SLCO1B1: variants seen among roughly 807,000 people sequenced by gnomAD.
SLCO1B1 encodes OATP-2.
Under a neutral mutation model 70.1 loss-of-function variants are expected in SLCO1B1, and 81 were observed. That is an observed-to-expected ratio of 1.16 (90% confidence interval 0.97 to 1.39). The LOEUF is 1.39. Among genes scored for constraint, SLCO1B1 ranks in the 40% most tolerant of loss-of-function variants. SLCO1B1 has a pLI of 0.00. For missense variants in SLCO1B1, 895 were observed against 799.6 expected (o/e 1.12, Z -1.44); for synonymous variants, 283 against 271.5 (o/e 1.04, Z -0.42).
At chr12:21,189,012 C>G (rs896543058) in intron 7 of SLCO1B1, among the ~76,000 whole-genome samples, 9 of 151,964 alleles carry the variant, frequency 5.9e-5, no homozygotes, top group Admixed American at 5.2e-4. Flanking sequence ...TCCATTTATC[C>G]CTCAGCAGAC....
At chr12:21,223,055 CAA>C (rs1358004030) in intron 13 of SLCO1B1, among the ~76,000 whole-genome samples, 1 of 152,122 alleles carries the variant, frequency 6.6e-6, no homozygotes, top group Non-Finnish European at 1.5e-5. Context: ...CCTTCAGTTT[CAA>C]TGGAGATACC....
chr12:21,194,271 CCTCCCAAAGTG>C, intron 7 of SLCO1B1, among the ~76,000 whole-genome samples: 2 of 152,202 alleles, frequency 1.3e-5, no homozygotes, highest in Admixed American at 1.3e-4. Context: ...CCCGTCTCAG[CCTCCCAAAGTG>C]CTGGGATGAC....
intron 7 of SLCO1B1, among the ~76,000 whole-genome samples, chr12:21,190,850 G>A (rs1021239055): frequency 6.6e-5 from 10 of 151,918 alleles, no homozygotes; most frequent in Non-Finnish European, 1.2e-4. Flanking sequence ...ATTTTTCATC[G>A]TTATTATTTT....
At chr12:21,155,675 A>G (rs1166196376) in intron 2 of SLCO1B1, among the ~76,000 whole-genome samples, 1 of 152,216 alleles carries the variant, frequency 6.6e-6, no homozygotes, top group Non-Finnish European at 1.5e-5. Flanking sequence ...GAAAGCTCAG[A>G]AAAAGGGGAG....
intron 2 of SLCO1B1, among the ~76,000 whole-genome samples, chr12:21,151,612 C>G (rs1183141696): frequency 6.6e-6 from 1 of 152,036 alleles, no homozygotes; most frequent in Non-Finnish European, 1.5e-5. Context: ...GTTTTCCTTG[C>G]TTTAAGTAGA....
At chr12:21,173,803 C>T (rs1164678792) in intron 3 of SLCO1B1, among the ~76,000 whole-genome samples, 12 of 139,530 alleles carry the variant, frequency 8.6e-5, no homozygotes, top group Non-Finnish European at 1.5e-4. Context: ...GACGGAGTCT[C>T]GCTCTGTCGC....
At chr12:21,191,689 A>G (rs111687551) in intron 7 of SLCO1B1, among the ~76,000 whole-genome samples, 3 of 152,138 alleles carry the variant, frequency 2.0e-5, no homozygotes, top group African/African-American at 7.2e-5. Flanking sequence ...AAGTGATGAG[A>G]ATGGCCATTC....
intron 2 of SLCO1B1, among the ~76,000 whole-genome samples, chr12:21,145,472 C>CTTTTT (rs1591797702): frequency 2.2e-4 from 8 of 35,826 alleles, no homozygotes; most frequent in South Asian, 1.5e-3. Context: ...GCATTTTTTT[C>CTTTTT]ATTTTTTTTT....
At chr12:21,217,359 T>A in intron 12 of SLCO1B1, 56 bp downstream of exon 12, 1 of 1,294,084 alleles carries the variant, frequency 7.7e-7, no homozygotes, top group Non-Finnish European at 1.1e-6. Context: ...ACACACCTAA[T>A]GATATGCATA....
intron 7 of SLCO1B1, among the ~76,000 whole-genome samples, chr12:21,185,328 G>T (rs1940951694): frequency 6.6e-6 from 1 of 152,094 alleles, no homozygotes; most frequent in Admixed American, 6.5e-5. Context: ...TCTGCATATA[G>T]ATTGTATTCT....
At chr12:21,223,899 A>T (rs776346291) in intron 13 of SLCO1B1, among the ~76,000 whole-genome samples, 11 of 152,154 alleles carry the variant, frequency 7.2e-5, no homozygotes, top group Non-Finnish European at 1.5e-4. Context: ...GCAGATGGAC[A>T]CTTATTATAT....
At chr12:21,141,006 T>G (rs973502745) in intron 1 of SLCO1B1, among the ~76,000 whole-genome samples, 56 of 151,954 alleles carry the variant, frequency 3.7e-4, no homozygotes, top group Admixed American at 2.1e-3. Flanking sequence ...CAAATTCTGT[T>G]TGCTTTTTGA....
chr12:21,188,384 T>C (rs1032896886), intron 7 of SLCO1B1, among the ~76,000 whole-genome samples: 2 of 152,152 alleles, frequency 1.3e-5, no homozygotes, highest in African/African-American at 4.8e-5. Flanking sequence ...CTTTATAACA[T>C]TTTTTCTCTA....
At chr12:21,179,156 A>G (rs1383994560) in intron 7 of SLCO1B1, 136 bp downstream of exon 7, 4 of 653,016 alleles carry the variant, frequency 6.1e-6, no homozygotes, top group Non-Finnish European at 1.1e-5. Context: ...AGTAGGAAAT[A>G]AATGTATTAC....
intron 14 of SLCO1B1, among the ~76,000 whole-genome samples, chr12:21,231,317 C>T (rs893177415): frequency 2.0e-5 from 3 of 151,984 alleles, no homozygotes; most frequent in African/African-American, 7.3e-5. Context: ...AGTATAGTAT[C>T]TGTTCTTTTC....
chr12:21,211,815 T>C (rs542582457), intron 11 of SLCO1B1, among the ~76,000 whole-genome samples: 11 of 152,324 alleles, frequency 7.2e-5, no homozygotes, highest in Non-Finnish European at 1.6e-4. Context: ...AAGGAATTTA[T>C]CCATTTCTTC....
intron 11 of SLCO1B1, among the ~76,000 whole-genome samples, chr12:21,206,543 CACTT>C (rs1186181965): frequency 6.6e-6 from 1 of 151,862 alleles, no homozygotes; most frequent in African/African-American, 2.4e-5. Flanking sequence ...GCTTCATGCT[CACTT>C]GACTGCCCTA....
intron 11 of SLCO1B1, among the ~76,000 whole-genome samples, chr12:21,208,478 T>G (rs1202421617): frequency 6.6e-6 from 1 of 152,004 alleles, no homozygotes; most frequent in Non-Finnish European, 1.5e-5. Context: ...ATTCTGTTCC[T>G]TTAGTCTAGG....
intron 4 of SLCO1B1, among the ~76,000 whole-genome samples, chr12:21,176,207 A>G (rs1043867398): frequency 6.6e-6 from 1 of 152,144 alleles, no homozygotes; most frequent in East Asian, 1.9e-4. Flanking sequence ...AGCTCTTTGA[A>G]GCTTAGCATA....
Sources: allele counts gnomAD v4.1 joint callset (sites outside exome capture counted in the v4.1 genomes callset), GRCh38; gene constraint gnomAD v4.1.1; transcripts MANE v1.5; gene names NCBI Gene and HGNC (gene_info 2026-07-23, HGNC 2026-07-21).